Variants in PRMT3 observed in about 807,000 individuals in gnomAD.
PRMT3 encodes protein arginine methyltransferase 3.
In PRMT3, 62 loss-of-function variants were observed where a neutral mutation model predicts 71.9. The observed-to-expected ratio is 0.86, with a 90% CI of 0.70 to 1.07. The LOEUF (loss-of-function observed/expected upper bound fraction) is 1.07. Ranked by LOEUF, PRMT3 falls within the 50% of genes least tolerant of loss-of-function variation. The pLI, the probability that PRMT3 is intolerant of heterozygous loss-of-function variation, is 0.00. For synonymous variants in PRMT3, 213 were observed against 220.4 expected (o/e 0.97, Z 0.30); for missense variants, 663 against 643.0 (o/e 1.03, Z -0.34).
intron 15 of PRMT3, among the ~76,000 whole-genome samples, chr11:20,507,761 C>CAG (rs1263003231): frequency 1.4e-5 from 2 of 147,876 alleles, no homozygotes; most frequent in African/African-American, 2.5e-5. Context: ...GCCTGGGCAA[C>CAG]AGAGAGAGAC....
At position 20,424,109 on chromosome 11, in the gene PRMT3, G is replaced by A. The variant is rs1459371717; in HGVS notation, c.894-2657G>A. On this transcript the variant is annotated intron_variant, in intron 9 of 15. Coordinates refer to ENST00000331079, the MANE Select transcript of PRMT3 (RefSeq NM_005788.4). ...TGAGGCAGGAGAATGGTGTAAACCCGGGAGGTGGAGCTTACAGTGAGCCGA... is the reference window on the plus strand; with the variant it reads ...TGAGGCAGGAGAATGGTGTAAACCCAGGAGGTGGAGCTTACAGTGAGCCGA... Among the ~76,000 whole-genome samples, 5 of 151,070 alleles carry A rather than the reference G, an allele frequency of 3.3e-5. No individual in the cohort carries two copies. In the East Asian group the frequency reaches 5.8e-4, roughly 18 times the overall value.
At chr11:20,415,949 A>C (rs1849295441) in intron 9 of PRMT3, among the ~76,000 whole-genome samples, 1 of 152,162 alleles carries the variant, frequency 6.6e-6, no homozygotes, top group Non-Finnish European at 1.5e-5. Context: ...ATTTCTTCCG[A>C]GTTGTAAACC....
intron 7 of PRMT3, 40 bp downstream of exon 7, chr11:20,397,761 GA>G (rs1565193991): frequency 6.3e-7 from 1 of 1,597,350 alleles, no homozygotes; most frequent in South Asian, 1.1e-5. Context: ...CATACTAAAG[GA>G]AAAATAGAAC....
intron 7 of PRMT3, among the ~76,000 whole-genome samples, chr11:20,399,884 TGAGA>T (rs1248114913): frequency 6.6e-6 from 1 of 152,238 alleles, no homozygotes; most frequent in African/African-American, 2.4e-5. Context: ...CTTCTCCCTT[TGAGA>T]GAATCACTTA....
chr11:20,435,835 A>G (rs767543177), intron 10 of PRMT3, among the ~76,000 whole-genome samples: 4 of 152,150 alleles, frequency 2.6e-5, no homozygotes, highest in Non-Finnish European at 5.9e-5. Flanking sequence ...GTTTCATGCA[A>G]GTTTTAGGGT....
intron 12 of PRMT3, among the ~76,000 whole-genome samples, chr11:20,463,126 A>G (rs2133403466): frequency 6.6e-6 from 1 of 152,346 alleles, no homozygotes. Flanking sequence ...GGCCTCCCGA[A>G]GTGCTGTCTT....
intron 9 of PRMT3, among the ~76,000 whole-genome samples, chr11:20,421,827 T>TTC (rs1244945885): frequency 2.0e-5 from 3 of 152,198 alleles, no homozygotes; most frequent in African/African-American, 7.2e-5. Context: ...CTCCTGAATA[T>TTC]TCTCTTAGCC....
At chr11:20,504,658 A>G in intron 15 of PRMT3, among the ~76,000 whole-genome samples, 1 of 151,740 alleles carries the variant, frequency 6.6e-6, no homozygotes, top group South Asian at 2.1e-4. Context: ...TAAGTCAGAC[A>G]TATATTGTTA....
At chr11:20,495,565 C>T (rs1851312911) in intron 15 of PRMT3, among the ~76,000 whole-genome samples, 1 of 152,102 alleles carries the variant, frequency 6.6e-6, no homozygotes, top group South Asian at 2.1e-4. Flanking sequence ...AGCATTCTCT[C>T]CACTGTCTCT....
At chr11:20,405,029 AATC>A (rs1162853036) in intron 8 of PRMT3, among the ~76,000 whole-genome samples, 1 of 152,216 alleles carries the variant, frequency 6.6e-6, no homozygotes, top group African/African-American at 2.4e-5. Context: ...TCATAAGATT[AATC>A]ATCAAGATAT....
intron 13 of PRMT3, among the ~76,000 whole-genome samples, chr11:20,477,946 C>T (rs748981741): frequency 3.4e-4 from 51 of 152,114 alleles, no homozygotes; most frequent in Non-Finnish European, 6.9e-4. Flanking sequence ...ACTAGTGTAC[C>T]AGTGCACTGG....
At chr11:20,435,015 A>G (rs762782279) in intron 10 of PRMT3, among the ~76,000 whole-genome samples, 1 of 152,152 alleles carries the variant, frequency 6.6e-6, no homozygotes, top group African/African-American at 2.4e-5. Flanking sequence ...ACTCATCTGC[A>G]TGGGATTTTT....
chr11:20,412,104 T>C (rs774727976), intron 9 of PRMT3, among the ~76,000 whole-genome samples: 1 of 152,186 alleles, frequency 6.6e-6, no homozygotes, highest in Non-Finnish European at 1.5e-5. Context: ...GCTTGTACTC[T>C]AGTTGCTTGT....
intron 10 of PRMT3, among the ~76,000 whole-genome samples, chr11:20,450,584 T>G (rs1055570936): frequency 2.0e-5 from 3 of 152,200 alleles, no homozygotes; most frequent in African/African-American, 7.2e-5. Flanking sequence ...AACATATTGA[T>G]AAACAAGCTT....
intron 9 of PRMT3, among the ~76,000 whole-genome samples, chr11:20,417,650 C>T (rs1849336555): frequency 1.3e-5 from 2 of 152,108 alleles, no homozygotes; most frequent in Admixed American, 6.6e-5. Context: ...AAAATATAGA[C>T]TTGAAGATAA....
chr11:20,435,394 G>T (rs10833324), intron 10 of PRMT3, among the ~76,000 whole-genome samples: 1 of 151,832 alleles, frequency 6.6e-6, no homozygotes, highest in Non-Finnish European at 1.5e-5. Flanking sequence ...TAGAGATGGG[G>T]TTTTGCCATA....
At chr11:20,429,182 G>A (rs1398945707) in intron 10 of PRMT3, among the ~76,000 whole-genome samples, 1 of 152,164 alleles carries the variant, frequency 6.6e-6, no homozygotes. Flanking sequence ...CCCATGGATT[G>A]GGGGATGGGG....
chr11:20,434,618 T>C (rs2133363193), intron 10 of PRMT3, among the ~76,000 whole-genome samples: 1 of 152,234 alleles, frequency 6.6e-6, no homozygotes, highest in Non-Finnish European at 1.5e-5. Flanking sequence ...GAATAGGGAG[T>C]CCTTTCCTCA....
chr11:20,474,565 G>A (rs993871699), intron 13 of PRMT3, among the ~76,000 whole-genome samples: 4 of 152,214 alleles, frequency 2.6e-5, no homozygotes, highest in Non-Finnish European at 4.4e-5. Context: ...GTATTGGACC[G>A]AAGGCCCTGG....
Sources: gnomAD v4.1 joint callset for allele counts (sites outside exome capture counted in the v4.1 genomes callset) on GRCh38, gnomAD v4.1.1 for gene constraint, MANE v1.5 for transcripts, NCBI Gene and HGNC (gene_info 2026-07-23, HGNC 2026-07-21) for gene names.